HOXB5: variants seen among roughly 807,000 people sequenced by gnomAD.
HOXB5 encodes homeobox B5.
Under a neutral mutation model 19.6 loss-of-function variants are expected in HOXB5, and 10 were observed. The ratio of observed to expected loss-of-function variants is 0.51; its 90% confidence interval spans 0.32 to 0.87. The LOEUF (loss-of-function observed/expected upper bound fraction) is 0.87. Among genes scored for constraint, HOXB5 ranks in the 40% least tolerant of loss-of-function variants. HOXB5 has a pLI of 0.04. For synonymous variants in HOXB5, 167 were observed against 156.9 expected, an observed-to-expected ratio of 1.06 and a Z score of -0.48; for missense variants, 353 against 369.6, an observed-to-expected ratio of 0.96 and a Z score of 0.37.
Position 48,593,677 on chromosome 17 carries a change from G to A in HOXB5, c.6C>T (p.Ser2=), listed in dbSNP as rs778464760. M[S]SYFVNSFSGR... ...CCGAGAAGGAGTTTACAAAGTACGAGCTCATTTGGGTGATTTTGGAGGGCT... is the reference window on the plus strand; with the variant it reads ...CCGAGAAGGAGTTTACAAAGTACGAACTCATTTGGGTGATTTTGGAGGGCT... Residue 2 remains serine, a synonymous_variant, in exon 1 of 2, where the codon AGC becomes AGT. Coordinates refer to ENST00000239151, the MANE Select transcript of HOXB5 (RefSeq NM_002147.4). 1.2e-6 allele frequency: 2 copies of A among 1,608,654 alleles called. No homozygotes were observed. The highest frequency in any genetic ancestry group is 1.3e-5 in the African/African-American group (1 of 74,716).
chr17:48,593,285 A>G lies in HOXB5; in HGVS notation c.398T>C (p.Ile133Thr), dbSNP rs767917919. ...CTCCGAGGACGCGCTGGCCTCGTCT[A>G]TTTCGGTGAAATTGGCGCTGGAGCT... ...SASSSANFTEIDEASASSEPE... is the reference protein window; with the variant it reads ...SASSSANFTETDEASASSEPE... Residue 133 changes from isoleucine (I) to threonine (T), a missense_variant, in exon 1 of 2, where the codon ATA becomes ACA. Physicochemically the swap from Ile to Thr is moderately conservative, Grantham distance 89 (BLOSUM62 -1). Coordinates refer to ENST00000239151, the MANE Select transcript of HOXB5 (RefSeq NM_002147.4). 4 of 1,613,244 alleles carry G rather than the reference A, an allele frequency of 2.5e-6. No individual in the cohort carries two copies. Among genetic ancestry groups the G allele is most frequent in the Non-Finnish European group, 3.4e-6 (4 of 1,179,442 alleles).
Position 48,593,006 on chromosome 17 carries a change from C to G in HOXB5, c.562+115G>C, listed in dbSNP as rs958802762. On this transcript the variant is annotated intron_variant, in intron 1 of 1. Coordinates refer to ENST00000239151, the MANE Select transcript of HOXB5 (RefSeq NM_002147.4). The stretch of plus-strand genomic sequence containing the variant: ...GAGGCCCCTCTTAGATACTTCTCCC[C>G]CTTAGAAAAATGAATCTATATTTAG... The G allele has an allele frequency of 3.8e-6, 3 of 790,196 alleles. No homozygotes were observed. In the African/African-American group the frequency reaches 5.2e-5, roughly 14 times the overall value. 48.9% of individuals were successfully genotyped at this position (790,196 alleles called of 1,614,324 possible).
At position 48,593,606 on chromosome 17, in the gene HOXB5, C is replaced by A; in HGVS notation, c.77G>T (p.Ser26Ile). The A allele has an allele frequency of 6.2e-7, 1 of 1,613,138 alleles. No individual in the cohort carries two copies. The highest frequency in any genetic ancestry group is 8.5e-7 in the Non-Finnish European group (1 of 1,180,022). ...GTAAGAGCCGCTCAGAGAGCTGCCA[C>A]TGCCATAATTTAGCAACTGATAGTC... The part of the protein sequence containing the change: ...GPDYQLLNYG[S>I]GSSLSGSYRD... The change falls in exon 1 of 2, where the codon AGT (serine) becomes ATT (isoleucine). Residue 26 changes from serine to isoleucine, a missense_variant. By Grantham distance (142) the Ser-to-Ile change is moderately radical (BLOSUM62 -2). Transcript: ENST00000239151.
In HOXB5 at chr17:48,593,729, C is replaced by A. The variant is rs887073727; in HGVS notation, c.-47G>T. On this transcript the variant is annotated 5_prime_UTR_variant, in exon 1 of 2. Coordinates refer to ENST00000239151, the MANE Select transcript of HOXB5 (RefSeq NM_002147.4). ...GATTTGTGGATCGTGGTCGTTATAACCCTGTGCTTCACGATTTATGATGTA... is the reference window on the plus strand; with the variant it reads ...GATTTGTGGATCGTGGTCGTTATAAACCTGTGCTTCACGATTTATGATGTA... 3.1e-5 allele frequency: 47 copies of A among 1,497,786 alleles called. No individual in the cohort carries two copies. The highest frequency in any genetic ancestry group is 4.0e-5 in the Non-Finnish European group (44 of 1,096,468). 92.8% of individuals were successfully genotyped at this position (1,497,786 alleles called of 1,614,324 possible). A position where few individuals can be genotyped will look rare whatever the true frequency, so the allele number is the denominator to read the frequency against.
chr17:48,592,561 A>G (rs2144935266), intron 1 of HOXB5, 105 bp from the exon 2 acceptor site: 1 of 1,133,232 alleles, frequency 8.8e-7, no homozygotes, highest in South Asian at 1.6e-5. Context: ...CCCGGCACCC[A>G]GCTCACCACA....
chr17:48,593,299 G>C lies in HOXB5; in HGVS notation c.384C>G (p.Ala128=). Residue 128 remains alanine, a synonymous_variant, in exon 1 of 2, where the codon GCC becomes GCG. Transcript: ENST00000239151. ...SDQATSASSS[A]NFTEIDEASA... The stretch of plus-strand genomic sequence containing the variant: ...TGGCCTCGTCTATTTCGGTGAAATT[G>C]GCGCTGGAGCTGGCTGAGGTCGCCT... 2 of 1,612,996 alleles carry C rather than the reference G, an allele frequency of 1.2e-6. No individual in the cohort carries two copies. The highest frequency in any genetic ancestry group is 8.5e-7 in the Non-Finnish European group (1 of 1,179,190).
chr17:48,593,091 C>G (rs1167380859), intron 1 of HOXB5, 30 bp downstream of exon 1: 1 of 1,362,916 alleles, frequency 7.3e-7, no homozygotes, highest in Non-Finnish European at 9.9e-7. Context: ...GAAGGAAAGC[C>G]GAGAAGACAA....
At position 48,593,679 on chromosome 17, in the gene HOXB5, T is replaced by C; in HGVS notation, c.4A>G (p.Ser2Gly). The C allele has an allele frequency of 6.2e-7, 1 of 1,607,878 alleles. No homozygotes were observed. Among genetic ancestry groups the C allele is most frequent in the Non-Finnish European group, 8.5e-7 (1 of 1,176,398 alleles). ...GAGAAGGAGTTTACAAAGTACGAGCTCATTTGGGTGATTTTGGAGGGCTTG... is the reference window on the plus strand; with the variant it reads ...GAGAAGGAGTTTACAAAGTACGAGCCCATTTGGGTGATTTTGGAGGGCTTG... MSSYFVNSFSGR... is the reference protein window; with the variant it reads MGSYFVNSFSGR... Residue 2 changes from serine to glycine, a missense_variant, in exon 1 of 2, where the codon AGC (serine) becomes GGC (glycine). Transcript: ENST00000239151.
chr17:48,592,976 G>A (rs1172490282), intron 1 of HOXB5, 145 bp downstream of exon 1: 11 of 578,496 alleles, frequency 1.9e-5, no homozygotes, highest in Non-Finnish European at 2.9e-5. Context: ...TGTCTACGAA[G>A]CTATGAGGCC....
chr17:48,593,511 G>A lies in HOXB5; in HGVS notation c.172C>T (p.Arg58Cys), dbSNP rs370720066. ...NYNGMDLSVNRSSASSSHFGA... is the reference protein window; with the variant it reads ...NYNGMDLSVNCSSASSSHFGA... ...AAGTGGCTGGAGGAGGCCGAGGAGC[G>A]GTTGACGCTGAGGTCCATCCCATTG... Residue 58 changes from arginine (R) to cysteine (C), a missense_variant, in exon 1 of 2, where the codon CGC (arginine) becomes TGC (cysteine). Transcript: ENST00000239151. The A allele has an allele frequency of 6.2e-7, 1 of 1,613,306 alleles. No homozygotes were observed. Among genetic ancestry groups the A allele is most frequent in the Non-Finnish European group, 8.5e-7 (1 of 1,179,936 alleles).
rs1198498627 is a variant in HOXB5 at position 48,593,436 on chromosome 17, G to T, written c.247C>A (p.Pro83Thr). Residue 83 changes from proline (P) to threonine (T), a missense_variant, in exon 1 of 2, where the codon CCC (proline) becomes ACC (threonine). Pro to Thr is a conservative substitution (Grantham distance 38, BLOSUM62 -1). Transcript: ENST00000239151. Reference sequence around the variant, plus strand: ...CTCGAAGCCGCTTGCCTGAAGCGGGGCTCCTGGGCGGGCGCGGGGAAGGCG... The same window carrying T: ...CTCGAAGCCGCTTGCCTGAAGCGGGTCTCCTGGGCGGGCGCGGGGAAGGCG... ...SRAFPAPAQEPRFRQAASSCS... is the reference protein window; with the variant it reads ...SRAFPAPAQETRFRQAASSCS... 6.2e-7 allele frequency: 1 copy of T among 1,610,510 alleles called. No individual in the cohort carries two copies. The highest frequency in any genetic ancestry group is 1.7e-5 in the Admixed American group (1 of 59,810).
intron 1 of HOXB5, 29 bp downstream of exon 1, chr17:48,593,092 G>C (rs746023800): frequency 7.3e-5 from 54 of 738,702 alleles, no homozygotes; most frequent in East Asian, 2.1e-4. Context: ...AAGGAAAGCC[G>C]AGAAGACAAA....
Position 48,593,267 on chromosome 17 carries a change from G to A in HOXB5, c.416C>T (p.Ser139Phe). The change falls in exon 1 of 2, where the codon TCC becomes TTC. Residue 139 changes from serine (S) to phenylalanine (F), a missense_variant. Coordinates refer to ENST00000239151, the MANE Select transcript of HOXB5 (RefSeq NM_002147.4). ...GCTTGCCGCTTCCTCAGGCTCCGAG[G>A]ACGCGCTGGCCTCGTCTATTTCGGT... ...NFTEIDEASA[S>F]SEPEEAASQL... The A allele has an allele frequency of 1.2e-6, 2 of 1,613,792 alleles. No homozygotes were observed. The highest frequency in any genetic ancestry group is 1.3e-5 in the African/African-American group (1 of 75,054).
Position 48,592,314 on chromosome 17 carries a change from C to T in HOXB5, c.705G>A (p.Glu235=), listed in dbSNP as rs2070171174. The T allele has an allele frequency of 1.2e-6, 2 of 1,613,992 alleles. No individual in the cohort carries two copies. The highest frequency in any genetic ancestry group is 3.3e-5 in the Admixed American group (2 of 60,006). The stretch of plus-strand genomic sequence containing the variant: ...TCTGGAACCAGATCTTGATCTGGCG[C>T]TCGGACAGGCAGAGTGCGTGGGCGA... ...IEIAHALCLS[E]RQIKIWFQNR... is the part of the protein sequence containing the mutation. Residue 235 remains glutamate (E), a synonymous_variant, in exon 2 of 2, where the codon GAG becomes GAA. Transcript: ENST00000239151.
At position 48,592,098 on chromosome 17, in the gene HOXB5, C is replaced by G. The variant is rs1411319973; in HGVS notation, c.*111G>C. The G allele has an allele frequency of 3.2e-6, 4 of 1,268,678 alleles. No individual in the cohort carries two copies. The highest frequency in any genetic ancestry group is 1.1e-6 in the Non-Finnish European group (1 of 921,110). 78.6% of individuals were successfully genotyped at this position (1,268,678 alleles called of 1,614,324 possible). A position where few individuals can be genotyped will look rare whatever the true frequency, so the allele number is the denominator to read the frequency against. On this transcript the variant is annotated 3_prime_UTR_variant, in exon 2 of 2. Coordinates refer to ENST00000239151, the MANE Select transcript of HOXB5 (RefSeq NM_002147.4). ...CGAAATATCGTAACACAAGGCGAGG[C>G]AGGCTTGTGGGAACCGGTCCCCAGC...
Position 48,593,721 on chromosome 17 carries a change from C to T in HOXB5, c.-39G>A, listed in dbSNP as rs770219471. 20 of 1,525,260 alleles carry T rather than the reference C, an allele frequency of 1.3e-5. No homozygotes were observed. In the Admixed American group the frequency reaches 3.6e-4, roughly 27 times the overall value. 94.5% of individuals were successfully genotyped at this position (1,525,260 alleles called of 1,614,324 possible). A position where few individuals can be genotyped will look rare whatever the true frequency, so the allele number is the denominator to read the frequency against. ...GAGGGCTTGATTTGTGGATCGTGGT[C>T]GTTATAACCCTGTGCTTCACGATTT... On this transcript the variant is annotated 5_prime_UTR_variant, in exon 1 of 2. Coordinates refer to ENST00000239151, the MANE Select transcript of HOXB5 (RefSeq NM_002147.4).
Position 48,592,428 on chromosome 17 carries a change from G to A in HOXB5, c.591C>T (p.Ala197=), listed in dbSNP as rs1165142106. ...HDMTGPDGKR[A]RTAYTRYQTL... is the part of the protein sequence containing the mutation. ...TCTGGTAGCGGGTATACGCGGTCCG[G>A]GCCCTTTTCCCGTCCGGCCCGGTCA... The change falls in exon 2 of 2, where the codon GCC becomes GCT. Residue 197 remains alanine (A), a synonymous_variant. Transcript: ENST00000239151. 1 of 1,610,128 alleles carries A rather than the reference G, an allele frequency of 6.2e-7. No individual in the cohort carries two copies. Among genetic ancestry groups the A allele is most frequent in the African/African-American group, 1.3e-5 (1 of 74,674 alleles).
Position 48,593,359 on chromosome 17 carries a change from G to T in HOXB5, c.324C>A (p.His108Gln), listed in dbSNP as rs1056073849. 1.2e-5 allele frequency: 20 copies of T among 1,600,760 alleles called. No homozygotes were observed. Among genetic ancestry groups the T allele is most frequent in the Non-Finnish European group, 1.7e-5 (20 of 1,171,018 alleles). ...GGGACGAAGCAGAGGGCTTGGCGCC[G>T]TGGCTGTCGCCGTTGGTGCAGGGCA... ...ESLPCTNGDS[H>Q]GAKPSASSPS... is the part of the protein sequence containing the mutation. Residue 108 changes from histidine to glutamine, a missense_variant, in exon 1 of 2, where the codon CAC (histidine) becomes CAA (glutamine). Coordinates refer to ENST00000239151, the MANE Select transcript of HOXB5 (RefSeq NM_002147.4).
At position 48,593,339 on chromosome 17, in the gene HOXB5, G is replaced by A; in HGVS notation, c.344C>T (p.Ser115Leu). 2.5e-6 allele frequency: 4 copies of A among 1,606,384 alleles called. No homozygotes were observed. The highest frequency in any genetic ancestry group is 2.6e-6 in the Non-Finnish European group (3 of 1,174,492). The part of the protein sequence containing the change: ...GDSHGAKPSA[S>L]SPSDQATSAS... ...TGAGGTCGCCTGGTCGGAGGGGGAC[G>A]AAGCAGAGGGCTTGGCGCCGTGGCT... Residue 115 changes from serine (S) to leucine (L), a missense_variant, in exon 1 of 2, where the codon TCG becomes TTG. Ser to Leu is a moderately radical substitution (Grantham distance 145, BLOSUM62 -2). Transcript: ENST00000239151.
Sources: gnomAD v4.1 joint callset for allele counts on GRCh38, gnomAD v4.1.1 for gene constraint, MANE v1.5 for transcripts, NCBI Gene and HGNC (gene_info 2026-07-23, HGNC 2026-07-21) for gene names.